The following MEGF11 variants were observed in gnomAD, a reference collection of about 807,000 sequenced individuals.
The protein encoded by MEGF11 is multiple epidermal growth factor-like domains protein 11.
In MEGF11, 126 loss-of-function variants were observed where a neutral mutation model predicts 146.6. The observed-to-expected ratio is 0.86, with a 90% CI of 0.74 to 1.00. The LOEUF (loss-of-function observed/expected upper bound fraction) is 1.00, where lower values mean the gene tolerates loss of function less well. Among genes scored for constraint, MEGF11 ranks in the 50% least tolerant of loss-of-function variants. The probability of loss-of-function intolerance (pLI) is 0.00; values close to 1 mark genes in which losing one functional copy is unlikely to be tolerated. For synonymous variants in MEGF11, 532 were observed against 583.4 expected (o/e 0.91, Z 1.27); for missense variants, 1,509 against 1,521.2 (o/e 0.99, Z 0.13).
At chr15:65,920,227 T>C (rs1261538299) in intron 15 of MEGF11, among the ~76,000 whole-genome samples, 1 of 152,208 alleles carries the variant, frequency 6.6e-6, no homozygotes, top group Non-Finnish European at 1.5e-5. Context: ...GGTTAGTAGC[T>C]GTGGCAGGCT....
intron 18 of MEGF11, 69 bp from the exon 19 acceptor site, chr15:65,915,667 AGCTAT>A (rs1419980416): frequency 6.4e-7 from 1 of 1,569,218 alleles, no homozygotes; most frequent in Non-Finnish European, 8.7e-7. Context: ...ATGTTTAGAC[AGCTAT>A]GGCAATAAGC....
chr15:66,143,264 C>T (rs1317069894), intron 1 of MEGF11, among the ~76,000 whole-genome samples: 2 of 152,260 alleles, frequency 1.3e-5, no homozygotes, highest in African/African-American at 4.8e-5. Context: ...AACCCCAAAT[C>T]CAGCACTCAT....
At chr15:66,225,194 A>ACC (rs1286414322) in intron 1 of MEGF11, among the ~76,000 whole-genome samples, 3 of 152,158 alleles carry the variant, frequency 2.0e-5, no homozygotes, top group Admixed American at 2.0e-4. Flanking sequence ...ACGGCCCAGC[A>ACC]CCTCTACCAA....
chr15:65,970,646 T>C lies in MEGF11; in HGVS notation c.806A>G (p.Gln269Arg), dbSNP rs1376946675. ...AQPCPPGTFG[Q>R]NCSQDCPCHH... ...GCAAGGACAATCCTGGCTGCAGTTC[T>C]GGCCAAATGTCCCTGGTGGGCAGGG... The change falls in exon 8 of 26, where the codon CAG (glutamine) becomes CGG (arginine). Residue 269 changes from glutamine (Q) to arginine (R), a missense_variant. Transcript: ENST00000395614. The C allele has an allele frequency of 3.7e-6, 6 of 1,613,326 alleles. No individual in the cohort carries two copies. The highest frequency in any genetic ancestry group is 5.1e-6 in the Non-Finnish European group (6 of 1,179,664).
intron 8 of MEGF11, among the ~76,000 whole-genome samples, chr15:65,969,025 C>T (rs2141597922): frequency 6.6e-6 from 1 of 152,294 alleles, no homozygotes; most frequent in South Asian, 2.1e-4. Flanking sequence ...TCCTATTGAA[C>T]CCTCCTGTGG....
chr15:66,011,577 C>T (rs1487981327), intron 5 of MEGF11, among the ~76,000 whole-genome samples: 4 of 152,102 alleles, frequency 2.6e-5, no homozygotes, highest in African/African-American at 4.8e-5. Flanking sequence ...GGGCAAGTCG[C>T]GTAACTCCTC....
At chr15:66,123,048 G>A (rs987191030) in intron 3 of MEGF11, among the ~76,000 whole-genome samples, 4 of 152,200 alleles carry the variant, frequency 2.6e-5, no homozygotes, top group African/African-American at 9.6e-5. Flanking sequence ...CTCCCAAAGT[G>A]CTGGGATTTC....
intron 1 of MEGF11, among the ~76,000 whole-genome samples, chr15:66,170,716 G>A (rs1280646928): frequency 6.6e-6 from 1 of 152,176 alleles, no homozygotes; most frequent in African/African-American, 2.4e-5. Flanking sequence ...TGGACACTGT[G>A]ATGCCCCTTC....
chr15:65,978,426 CAT>C (rs1393977601), intron 7 of MEGF11, among the ~76,000 whole-genome samples: 1 of 152,216 alleles, frequency 6.6e-6, no homozygotes, highest in Non-Finnish European at 1.5e-5. Context: ...AAATTAAAAA[CAT>C]AAAGTCCTCA....
In MEGF11 at chr15:66,124,005, G is replaced by A; in HGVS notation, c.99-5C>T. On this transcript the variant is annotated splice_region_variant and splice_polypyrimidine_tract_variant and intron_variant, in intron 2 of 25. Coordinates refer to ENST00000395614, the MANE Select transcript of MEGF11 (RefSeq NM_001385028.1). ...TCCTGGACAGTCACAGCATAGCTGA[G>A]AACCAGATGGGAGATAGGAGCCATG... 1 of 1,610,276 alleles carries A rather than the reference G, an allele frequency of 6.2e-7. No homozygotes were observed. Among genetic ancestry groups the A allele is most frequent in the Non-Finnish European group, 8.5e-7 (1 of 1,176,506 alleles).
chr15:65,927,742 C>T (rs1000771161), intron 13 of MEGF11, among the ~76,000 whole-genome samples: 4 of 152,212 alleles, frequency 2.6e-5, no homozygotes, highest in African/African-American at 9.7e-5. Flanking sequence ...AAGAAGTAGA[C>T]TGCAGCCCTG....
intron 5 of MEGF11, among the ~76,000 whole-genome samples, chr15:65,990,024 CTCTACCAAAAGCTAAAATTA>C (rs913031170): frequency 2.0e-5 from 3 of 152,162 alleles, no homozygotes; most frequent in African/African-American, 4.8e-5. Context: ...GAGACCCTGT[CTCTACCAAAAGCTAAAATTA>C]TCTACCAAAA....
intron 1 of MEGF11, among the ~76,000 whole-genome samples, chr15:66,168,172 C>T (rs2090151658): frequency 6.6e-6 from 1 of 152,040 alleles, no homozygotes; most frequent in African/African-American, 2.4e-5. Flanking sequence ...TCTCCTTGCT[C>T]ACCACATTCC....
intron 1 of MEGF11, among the ~76,000 whole-genome samples, chr15:66,241,513 G>A (rs1269923774): frequency 6.6e-6 from 1 of 152,288 alleles, no homozygotes; most frequent in African/African-American, 2.4e-5. Context: ...CTGCCACCTC[G>A]GAAGCATTCT....
intron 6 of MEGF11, among the ~76,000 whole-genome samples, chr15:65,981,976 G>A (rs535585374): frequency 3.9e-4 from 59 of 152,314 alleles, no homozygotes; most frequent in African/African-American, 1.4e-3. Flanking sequence ...CAGTCAACGC[G>A]GTCCTGGAAG....
chr15:65,967,647 C>A (rs1353444355), intron 8 of MEGF11, among the ~76,000 whole-genome samples: 1 of 152,078 alleles, frequency 6.6e-6, no homozygotes, highest in Non-Finnish European at 1.5e-5. Context: ...TGTGGGGCAC[C>A]AGCCTTGGCA....
intron 22 of MEGF11, 81 bp downstream of exon 22, chr15:65,909,659 C>T (rs2078733675): frequency 1.4e-6 from 2 of 1,395,684 alleles, no homozygotes; most frequent in Non-Finnish European, 2.0e-6. Flanking sequence ...AACCCTGTCC[C>T]TTCAAGCTGG....
At chr15:65,936,633 G>T (rs537194964) in intron 10 of MEGF11, among the ~76,000 whole-genome samples, 1 of 152,262 alleles carries the variant, frequency 6.6e-6, no homozygotes, top group African/African-American at 2.4e-5. Flanking sequence ...ACCCACACAG[G>T]TATACTCATG....
At chr15:66,127,471 G>A (rs2088414615) in intron 2 of MEGF11, among the ~76,000 whole-genome samples, 1 of 152,202 alleles carries the variant, frequency 6.6e-6, no homozygotes, top group Non-Finnish European at 1.5e-5. Flanking sequence ...TCATGGGCAT[G>A]AAGCACGGAC....
Sources: allele counts gnomAD v4.1 joint callset (sites outside exome capture counted in the v4.1 genomes callset), GRCh38; gene constraint gnomAD v4.1.1; transcripts MANE v1.5; gene names NCBI Gene and HGNC (gene_info 2026-07-23, HGNC 2026-07-21).